JAM2: variants seen among roughly 807,000 people sequenced by gnomAD.
JAM2 encodes junctional adhesion molecule B.
Under a neutral mutation model 42.0 loss-of-function variants are expected in JAM2, and 17 were observed. The observed-to-expected ratio is 0.40, with a 90% CI of 0.28 to 0.61. The LOEUF (loss-of-function observed/expected upper bound fraction) is 0.61, where lower values mean the gene tolerates loss of function less well. Ranked by LOEUF, JAM2 falls within the 20% of genes least tolerant of loss-of-function variation. The probability of loss-of-function intolerance (pLI) is 0.37; values close to 1 mark genes in which losing one functional copy is unlikely to be tolerated. For missense variants in JAM2, 319 were observed against 358.3 expected (o/e 0.89, Z 0.89); for synonymous variants, 118 against 128.6 (o/e 0.92, Z 0.56).
At position 25,693,935 on chromosome 21, in the gene JAM2, C is replaced by T. The variant is rs575831223; in HGVS notation, c.394+27C>T. 239 of 1,605,714 alleles carry T rather than the reference C, an allele frequency of 1.5e-4. 1 individual carries two copies. Among genetic ancestry groups the T allele is most frequent in the East Asian group, 2.2e-4 (10 of 44,658 alleles). ...TGATGTGCATGTATGTGTGTGACTA[C>T]GTCTCCCACTCCTTCTCCACCACCC... On this transcript the variant is annotated intron_variant, in intron 4 of 9. Transcript: ENST00000480456.
At chr21:25,644,696 A>G (rs2032552046) in intron 1 of JAM2, among the ~76,000 whole-genome samples, 1 of 152,212 alleles carries the variant, frequency 6.6e-6, no homozygotes, top group Non-Finnish European at 1.5e-5. Flanking sequence ...TAGGATGTGG[A>G]CATCTTTGTG....
intron 1 of JAM2, chr21:25,644,127 C>T (rs918185276): frequency 6.6e-6 from 1 of 152,220 alleles, no homozygotes. Context: ...GAACCTGGGT[C>T]AGGTGCCTCC....
chr21:25,700,646 C>T (rs2034146992), intron 5 of JAM2, among the ~76,000 whole-genome samples: 1 of 152,198 alleles, frequency 6.6e-6, no homozygotes, highest in Non-Finnish European at 1.5e-5. Flanking sequence ...AGCTGTGAGC[C>T]ACCGTACCCA....
intron 8 of JAM2, chr21:25,711,550 A>G (rs1429383004): frequency 1.3e-5 from 5 of 377,214 alleles, no homozygotes; most frequent in East Asian, 1.5e-4. Context: ...TTCTGGCTCA[A>G]TCCTGGTCTC....
chr21:25,701,360 C>CCTCCCTCCAGCCCTTTCTTCT (rs1159804964), intron 5 of JAM2, among the ~76,000 whole-genome samples: 1 of 151,616 alleles, frequency 6.6e-6, no homozygotes, highest in Non-Finnish European at 1.5e-5. Flanking sequence ...CCCTTTCTTC[C>CCTCCCTCCAGCCCTTTCTTCT]CTCCCTCCAG....
intron 6 of JAM2, 91 bp from the exon 7 acceptor site, chr21:25,705,888 A>G: frequency 1.2e-6 from 1 of 858,426 alleles, no homozygotes; most frequent in Non-Finnish European, 2.0e-6. Flanking sequence ...ATAGCTGCAA[A>G]GGGGATCTTT....
At chr21:25,696,016 C>T (rs1404497993) in intron 4 of JAM2, among the ~76,000 whole-genome samples, 5 of 152,206 alleles carry the variant, frequency 3.3e-5, no homozygotes, top group Admixed American at 3.3e-4. Context: ...AATCTCGGCA[C>T]TTTGGGAGGC....
intron 1 of JAM2, among the ~76,000 whole-genome samples, chr21:25,650,833 G>A (rs1356347666): frequency 2.6e-5 from 4 of 151,844 alleles, no homozygotes; most frequent in Admixed American, 6.6e-5. Context: ...TATAAAGTCC[G>A]GAAATTATGC....
At chr21:25,668,307 G>T (rs9982693) in intron 1 of JAM2, among the ~76,000 whole-genome samples, 9,172 of 152,258 alleles carry the variant, frequency 0.06, 310 homozygotes, top group Middle Eastern at 0.092. Flanking sequence ...ATTTTAAAGG[G>T]TCACTCTAGT....
intron 1 of JAM2, among the ~76,000 whole-genome samples, chr21:25,660,409 A>G (rs998974460): frequency 5.9e-5 from 9 of 152,260 alleles, no homozygotes; most frequent in East Asian, 1.9e-4. Context: ...TAAATCAGGA[A>G]TTATCAACAG....
At chr21:25,695,205 G>C (rs2033976704) in intron 4 of JAM2, among the ~76,000 whole-genome samples, 1 of 152,108 alleles carries the variant, frequency 6.6e-6, no homozygotes, top group South Asian at 2.1e-4. Context: ...CTGCCTTCAA[G>C]CATCTGTTTA....
intron 6 of JAM2, among the ~76,000 whole-genome samples, chr21:25,703,082 C>T (rs1164955357): frequency 6.6e-6 from 1 of 152,212 alleles, no homozygotes; most frequent in Non-Finnish European, 1.5e-5. Context: ...GAACTCCTGA[C>T]CTCAGGTGAT....
chr21:25,702,697 C>A (rs1383449714), intron 6 of JAM2, among the ~76,000 whole-genome samples: 2 of 152,146 alleles, frequency 1.3e-5, no homozygotes, highest in African/African-American at 4.8e-5. Flanking sequence ...GTCAACGTAG[C>A]ACTTATTTAA....
At chr21:25,680,071 A>C (rs1209045378) in intron 1 of JAM2, among the ~76,000 whole-genome samples, 1 of 152,224 alleles carries the variant, frequency 6.6e-6, no homozygotes, top group Non-Finnish European at 1.5e-5. Flanking sequence ...TAAAGCGCCA[A>C]GTGCTTAATA....
At chr21:25,698,093 A>C (rs1467671993) in intron 4 of JAM2, among the ~76,000 whole-genome samples, 1 of 152,228 alleles carries the variant, frequency 6.6e-6, no homozygotes, top group Non-Finnish European at 1.5e-5. Context: ...CTAATAAAGA[A>C]TAGCTGTTGT....
intron 1 of JAM2, among the ~76,000 whole-genome samples, chr21:25,664,630 C>T (rs1159507506): frequency 6.6e-6 from 1 of 152,254 alleles, no homozygotes; most frequent in South Asian, 2.1e-4. Flanking sequence ...TCCGTGATTT[C>T]CATGACATCA....
At chr21:25,694,846 A>T (rs199801992) in intron 4 of JAM2, among the ~76,000 whole-genome samples, 71 of 151,434 alleles carry the variant, frequency 4.7e-4, no homozygotes, top group Middle Eastern at 3.4e-3. Flanking sequence ...AAAAAAAAAA[A>T]AAATAAAAAG....
At chr21:25,701,952 T>C (rs1386176237) in intron 5 of JAM2, among the ~76,000 whole-genome samples, 1 of 151,832 alleles carries the variant, frequency 6.6e-6, no homozygotes, top group Non-Finnish European at 1.5e-5. Flanking sequence ...CTTCTCTGTA[T>C]GTATTTTATC....
intron 4 of JAM2, 52 bp downstream of exon 4, chr21:25,693,960 C>T: frequency 6.3e-7 from 1 of 1,578,606 alleles, no homozygotes; most frequent in Non-Finnish European, 8.7e-7. Flanking sequence ...CTCCACCACC[C>T]AGCCCTGGGG....
Sources: gnomAD v4.1 joint callset for allele counts (sites outside exome capture counted in the v4.1 genomes callset) on GRCh38, gnomAD v4.1.1 for gene constraint, MANE v1.5 for transcripts, NCBI Gene and HGNC (gene_info 2026-07-23, HGNC 2026-07-21) for gene names.